Variants in SMYD1 observed in about 807,000 individuals in gnomAD.
SMYD1 encodes the protein SET and MYND domain containing 1.
SMYD1 carries 49 observed loss-of-function variants against 54.0 expected under a neutral mutation model. That is an observed-to-expected ratio of 0.91 (90% CI 0.72 to 1.15). SMYD1 has a LOEUF of 1.15. Ranked by LOEUF, SMYD1 falls within the 50% of genes most tolerant of loss-of-function variation. The pLI is 0.00. For missense variants in SMYD1, 653 were observed against 639.6 expected (o/e 1.02, Z -0.23); for synonymous variants, 269 against 234.2 (o/e 1.15, Z -1.36).
At chr2:88,110,006 G>C (rs568745774) in intron 9 of SMYD1, among the ~76,000 whole-genome samples, 1 of 152,198 alleles carries the variant, frequency 6.6e-6, no homozygotes, top group Non-Finnish European at 1.5e-5. Context: ...CGGCTGAAGC[G>C]ATTATGTCTC....
At chr2:88,096,535 C>T in intron 5 of SMYD1, 60 bp from the exon 6 acceptor site, 1 of 1,452,978 alleles carries the variant, frequency 6.9e-7, no homozygotes, top group South Asian at 1.3e-5. Context: ...CCTTGGAGAG[C>T]ACGGATCCCA....
intron 5 of SMYD1, among the ~76,000 whole-genome samples, chr2:88,095,010 G>A (rs761271389): frequency 1.8e-4 from 27 of 152,268 alleles, no homozygotes; most frequent in Non-Finnish European, 2.8e-4. Context: ...ACCAGGCAAG[G>A]CTACTATGTT....
At chr2:88,075,379 C>T (rs1462548189) in intron 1 of SMYD1, among the ~76,000 whole-genome samples, 1 of 152,044 alleles carries the variant, frequency 6.6e-6, no homozygotes, top group African/African-American at 2.4e-5. Context: ...GAGGGGGGTG[C>T]TTCAGCTAGG....
intron 4 of SMYD1, among the ~76,000 whole-genome samples, chr2:88,091,694 A>G (rs80068105): frequency 6.6e-6 from 1 of 152,158 alleles, no homozygotes; most frequent in Admixed American, 6.5e-5. Context: ...TAAAAAATAA[A>G]TAAATACATA....
Position 88,091,080 on chromosome 2 carries a change from C to T in SMYD1, c.597C>T (p.Pro199=), listed in dbSNP as rs1210584633. 1.9e-6 allele frequency: 3 copies of T among 1,614,198 alleles called. No homozygotes were observed. The highest frequency in any genetic ancestry group is 2.2e-5 in the East Asian group (1 of 44,878). The change falls in exon 4 of 10, where the codon CCC becomes CCT. Residue 199 remains proline, a synonymous_variant. Coordinates refer to ENST00000419482, the MANE Select transcript of SMYD1 (RefSeq NM_198274.4). ...GLQAVGVGIF[P]NLGLVNHDCW... ...AGGCCGTGGGCGTAGGCATCTTCCC[C>T]AACCTGGGCCTGGTGAACCATGACT...
At chr2:88,068,122 A>C (rs1673871738) in intron 1 of SMYD1, 121 bp downstream of exon 1, 3 of 1,353,638 alleles carry the variant, frequency 2.2e-6, no homozygotes, top group Non-Finnish European at 3.0e-6. Flanking sequence ...TTTTTCAACA[A>C]AATGGCACTT....
intron 1 of SMYD1, among the ~76,000 whole-genome samples, chr2:88,076,261 C>G (rs1033522470): frequency 4.6e-5 from 7 of 152,198 alleles, no homozygotes; most frequent in Admixed American, 6.5e-5. Flanking sequence ...GTCGCCCAGG[C>G]TGGAGTGCAG....
chr2:88,112,024 T>G lies in SMYD1; in HGVS notation c.*1512T>G. 1.4e-6 allele frequency: 1 copy of G among 702,840 alleles called. No individual in the cohort carries two copies. The highest frequency in any genetic ancestry group is 2.6e-6 in the Non-Finnish European group (1 of 384,808). 43.5% of individuals were successfully genotyped at this position (702,840 alleles called of 1,614,324 possible). A position where few individuals can be genotyped will look rare whatever the true frequency, so the allele number is the denominator to read the frequency against. ...TGAGCACTACCCAGTGGCTGAAAACTCTGCAAATGGGCCACACTTTTGCAA... is the reference window on the plus strand; with the variant it reads ...TGAGCACTACCCAGTGGCTGAAAACGCTGCAAATGGGCCACACTTTTGCAA... On this transcript the variant is annotated 3_prime_UTR_variant, in exon 10 of 10. Transcript: ENST00000419482.
chr2:88,099,063 A>AATC (rs1283804770), intron 6 of SMYD1, among the ~76,000 whole-genome samples: 1 of 152,034 alleles, frequency 6.6e-6, no homozygotes, highest in Admixed American at 6.5e-5. Context: ...TTTCTTTTAT[A>AATC]ATCATTCTTT....
chr2:88,106,438 G>C lies in SMYD1; in HGVS notation c.1095G>C (p.Gln365His), dbSNP rs777392717. 6.2e-7 allele frequency: 1 copy of C among 1,614,150 alleles called. No homozygotes were observed. Among genetic ancestry groups the C allele is most frequent in the Non-Finnish European group, 8.5e-7 (1 of 1,180,020 alleles). ...SIVSEVLSYL[Q>H]AFEEASFYAR... is the part of the protein sequence containing the mutation. ...TTTCGGAGGTCCTTTCCTACCTCCAGGCCTTTGAGGAGGCCTCGTTCTATG... is the reference window on the plus strand; with the variant it reads ...TTTCGGAGGTCCTTTCCTACCTCCACGCCTTTGAGGAGGCCTCGTTCTATG... The change falls in exon 8 of 10, where the codon CAG becomes CAC. Residue 365 changes from glutamine to histidine, a missense_variant. By Grantham distance (24) the Gln-to-His change is conservative. Transcript: ENST00000419482.
intron 9 of SMYD1, among the ~76,000 whole-genome samples, chr2:88,109,262 A>ATGTGTGTGTG (rs1174614512): frequency 1.8e-5 from 1 of 56,162 alleles, no homozygotes; most frequent in Non-Finnish European, 3.6e-5. Flanking sequence ...TGGGGTGTGC[A>ATGTGTGTGTG]TGTGTGCGTG....
At chr2:88,110,200 A>AGAGTGTGTGTGTGTGT (rs139694354) in intron 9 of SMYD1, among the ~76,000 whole-genome samples, 154 bp from the exon 10 acceptor site, 273 of 139,080 alleles carry the variant, frequency 2.0e-3, no homozygotes, top group South Asian at 7.1e-3. Flanking sequence ...TTGATGAATG[A>AGAGTGTGTGTGTGTGT]GTGTGTGTGT....
intron 6 of SMYD1, among the ~76,000 whole-genome samples, chr2:88,099,963 T>C (rs1573117916): frequency 7.2e-6 from 1 of 139,018 alleles, no homozygotes. Flanking sequence ...CTCTGGCTCC[T>C]CCCCCTTTCC....
chr2:88,110,502 A>C lies in SMYD1; in HGVS notation c.1463A>C (p.Lys488Thr). The part of the protein sequence containing the change: ...SNEPSPALFH[K>T]KQ ...GAGCCATCCCCAGCTCTGTTCCACA[A>C]GAAGCAATGAGGACTGCCCAGTGGA... Residue 488 changes from lysine to threonine, a missense_variant, in exon 10 of 10, where the codon AAG becomes ACG. Physicochemically the swap from Lys to Thr is moderately conservative, Grantham distance 78 (BLOSUM62 -1). Coordinates refer to ENST00000419482, the MANE Select transcript of SMYD1 (RefSeq NM_198274.4). 2 of 1,580,428 alleles carry C rather than the reference A, an allele frequency of 1.3e-6. No individual in the cohort carries two copies. Among genetic ancestry groups the C allele is most frequent in the Admixed American group, 1.8e-5 (1 of 54,780 alleles).
At chr2:88,091,461 T>C (rs1371315524) in intron 4 of SMYD1, among the ~76,000 whole-genome samples, 1 of 152,134 alleles carries the variant, frequency 6.6e-6, no homozygotes, top group African/African-American at 2.4e-5. Flanking sequence ...AGTCAAGGTC[T>C]CAGCAGGAAT....
At chr2:88,083,042 C>T (rs1674234379) in intron 1 of SMYD1, 1 of 152,192 alleles carries the variant, frequency 6.6e-6, no homozygotes, top group Non-Finnish European at 1.5e-5. Flanking sequence ...TCTGTGGAAG[C>T]TTCTCCCTCC....
intron 6 of SMYD1, 56 bp downstream of exon 6, chr2:88,096,840 A>C: frequency 6.4e-7 from 1 of 1,553,248 alleles, no homozygotes; most frequent in Non-Finnish European, 8.7e-7. Context: ...GGAGCCAGTC[A>C]CAGGTGGTTT....
intron 3 of SMYD1, among the ~76,000 whole-genome samples, chr2:88,088,280 T>C (rs1215582718): frequency 6.6e-6 from 1 of 152,198 alleles, no homozygotes; most frequent in Non-Finnish European, 1.5e-5. Flanking sequence ...ATTTACCGCA[T>C]GTAGCAGAAA....
chr2:88,072,177 AT>A (rs1673962951), intron 1 of SMYD1, among the ~76,000 whole-genome samples: 1 of 152,002 alleles, frequency 6.6e-6, no homozygotes, highest in Admixed American at 6.6e-5. Context: ...TTGAGATGAA[AT>A]CTTGCTCTGT....
Sources: gnomAD v4.1 joint callset for allele counts (sites outside exome capture counted in the v4.1 genomes callset) on GRCh38, gnomAD v4.1.1 for gene constraint, MANE v1.5 for transcripts, NCBI Gene and HGNC (gene_info 2026-07-23, HGNC 2026-07-21) for gene names.